Variants in DPP6 observed in about 807,000 individuals in gnomAD.
The protein encoded by DPP6 is A-type potassium channel modulatory protein DPP6.
Under a neutral mutation model 122.6 loss-of-function variants are expected in DPP6, and 69 were observed. The observed-to-expected ratio is 0.56, with a 90% CI of 0.46 to 0.69. DPP6 has a LOEUF of 0.69. DPP6 is among the 30% of genes least tolerant of loss of function. The probability of loss-of-function intolerance (pLI) is 0.00; values close to 1 mark genes in which losing one functional copy is unlikely to be tolerated. For synonymous variants in DPP6, 418 were observed against 433.1 expected (o/e 0.97, Z 0.43); for missense variants, 928 against 1,116.9 (o/e 0.83, Z 2.41).
intron 7 of DPP6, among the ~76,000 whole-genome samples, chr7:154,679,733 G>T (rs1839168594): frequency 6.6e-6 from 1 of 152,144 alleles, no homozygotes; most frequent in Non-Finnish European, 1.5e-5. Context: ...AATCAGCTTG[G>T]GTTAATTTGG....
At chr7:154,341,337 C>T (rs191795046) in intron 1 of DPP6, among the ~76,000 whole-genome samples, 70 of 152,188 alleles carry the variant, frequency 4.6e-4, no homozygotes, top group African/African-American at 1.6e-3. Context: ...GGCTGTGGTC[C>T]ACCTGGAGAG....
intron 5 of DPP6, among the ~76,000 whole-genome samples, chr7:154,610,500 A>G (rs1482105424): frequency 6.6e-6 from 1 of 152,202 alleles, no homozygotes; most frequent in Non-Finnish European, 1.5e-5. Context: ...CCAAGTTGTG[A>G]CAATGAGCTT....
At chr7:153,869,144 G>C in the DPP6 span, among the ~76,000 whole-genome samples, 1 of 152,212 alleles carries the variant, frequency 6.6e-6, no homozygotes, top group African/African-American at 2.4e-5. Context: ...TTGGGGTGGA[G>C]AGTTCTGTAG....
In DPP6 at chr7:154,063,209, A is replaced by AC. The variant is rs760072976; in HGVS notation, c.243+10153dup. Among the ~76,000 whole-genome samples the AC allele has an allele frequency of 4.0e-3, 307 of 75,858 alleles. 32 individuals carry two copies. The highest frequency in any genetic ancestry group is 0.023 in the Middle Eastern group (2 of 88). 49.8% of individuals were successfully genotyped at this position (75,858 alleles called of 152,430 possible). The stretch of plus-strand genomic sequence containing the variant: ...ACCCCCATCGCAGGGTTGGGGAGGC[A>AC]CCCCCCCGCGAGGCAGGGACTGAGA... On this transcript the variant is annotated intron_variant, in intron 1 of 25. Transcript: ENST00000377770.
chr7:154,782,122 C>T (rs1797065441), intron 10 of DPP6, among the ~76,000 whole-genome samples: 4 of 152,174 alleles, frequency 2.6e-5, no homozygotes, highest in Admixed American at 2.6e-4. Flanking sequence ...GTGGCTTGCC[C>T]ATCTCTGCAC....
intron 4 of DPP6, among the ~76,000 whole-genome samples, chr7:154,561,184 A>G (rs1460510736): frequency 6.6e-6 from 1 of 152,246 alleles, no homozygotes; most frequent in Non-Finnish European, 1.5e-5. Flanking sequence ...TCTCTGAGTA[A>G]TTGATAGACT....
At chr7:154,394,385 C>T (rs979772051) in intron 1 of DPP6, among the ~76,000 whole-genome samples, 3 of 150,766 alleles carry the variant, frequency 2.0e-5, no homozygotes, top group Non-Finnish European at 4.4e-5. Context: ...CATTTGTGTA[C>T]CTTTTTTGGA....
the DPP6 span, among the ~76,000 whole-genome samples, chr7:153,776,957 G>T: frequency 6.6e-6 from 1 of 152,166 alleles, no homozygotes; most frequent in Non-Finnish European, 1.5e-5. Flanking sequence ...ACAGCCATAG[G>T]CTGGTAAAGA....
intron 16 of DPP6, among the ~76,000 whole-genome samples, chr7:154,825,517 C>T (rs1347034356): frequency 6.6e-6 from 1 of 152,220 alleles, no homozygotes; most frequent in African/African-American, 2.4e-5. Flanking sequence ...TTTGGCACCT[C>T]AGTGCCTTCG....
chr7:153,927,094 C>A (rs567970768), intron 1 of DPP6, among the ~76,000 whole-genome samples: 62 of 151,704 alleles, frequency 4.1e-4, no homozygotes, highest in Middle Eastern at 6.8e-3. Context: ...AGGAGGATTG[C>A]TTGAGGCCAG....
chr7:154,824,000 G>T (rs1255607351), intron 16 of DPP6, among the ~76,000 whole-genome samples: 1 of 152,174 alleles, frequency 6.6e-6, no homozygotes, highest in Non-Finnish European at 1.5e-5. Context: ...TGCAAACTTT[G>T]TTGAATTACC....
intron 1 of DPP6, among the ~76,000 whole-genome samples, chr7:154,009,776 C>T (rs374312016): frequency 6.6e-6 from 1 of 151,014 alleles, no homozygotes; most frequent in Non-Finnish European, 1.5e-5. Context: ...TCTCACCCCA[C>T]AGTCAGCCCC....
the DPP6 span, among the ~76,000 whole-genome samples, chr7:153,837,312 G>A: frequency 6.6e-6 from 1 of 152,086 alleles, no homozygotes; most frequent in African/African-American, 2.4e-5. Flanking sequence ...CCAATGTTTG[G>A]CCCTCAACAA....
intron 21 of DPP6, among the ~76,000 whole-genome samples, chr7:154,882,662 C>T (rs917667784): frequency 6.7e-6 from 1 of 148,250 alleles, no homozygotes; most frequent in Non-Finnish European, 1.5e-5. Context: ...TCTGCAGTTT[C>T]CCCCCCGACA....
chr7:153,952,835 G>A (rs1470553334), intron 1 of DPP6, among the ~76,000 whole-genome samples: 1 of 152,098 alleles, frequency 6.6e-6, no homozygotes, highest in Non-Finnish European at 1.5e-5. Context: ...CTTAAAATTG[G>A]TATACCCACA....
chr7:154,007,978 C>T (rs368170130), intron 1 of DPP6, among the ~76,000 whole-genome samples: 136 of 152,168 alleles, frequency 8.9e-4, no homozygotes, highest in African/African-American at 2.9e-3. Context: ...CGAGATGCAA[C>T]GGAGTGTGGG....
Position 154,257,019 on chromosome 7 carries a change from CAG to C in DPP6, c.244-189194_244-189193del, listed in dbSNP as rs1554502565. 1.2e-4 allele frequency among the ~76,000 whole-genome samples: 14 copies of C among 112,192 alleles called. No individual in the cohort carries two copies. The East Asian group carries it at 2.9e-3, about 23-fold the overall frequency. 73.6% of individuals were successfully genotyped at this position (112,192 alleles called of 152,430 possible). On this transcript the variant is annotated intron_variant, in intron 1 of 25. Transcript: ENST00000377770. ...TCTTCTTTTTTTTTTTTTTTGGAGA[CAG>C]TGTGTCACTCTGTTGCCTGGGTTGG...
chr7:154,536,132 TACATGGAATA>T (rs1261652049), intron 3 of DPP6, among the ~76,000 whole-genome samples: 1 of 152,172 alleles, frequency 6.6e-6, no homozygotes, highest in Admixed American at 6.5e-5. Flanking sequence ...GAAACATTAA[TACATGGAATA>T]ACATGGATAA....
At chr7:154,404,475 C>T (rs1815901833) in intron 1 of DPP6, among the ~76,000 whole-genome samples, 1 of 152,028 alleles carries the variant, frequency 6.6e-6, no homozygotes, top group Admixed American at 6.6e-5. Flanking sequence ...GAAGGATTAC[C>T]ATCTTTGAGC....
Sources: allele counts gnomAD v4.1 joint callset (sites outside exome capture counted in the v4.1 genomes callset), GRCh38; gene constraint gnomAD v4.1.1; transcripts MANE v1.5; gene names NCBI Gene and HGNC (gene_info 2026-07-23, HGNC 2026-07-21).